The following FHIT variants were observed in gnomAD, a reference collection of about 807,000 sequenced individuals.
FHIT encodes bis(5'-adenosyl)-triphosphatase.
A neutral mutation model predicts 17.9 loss-of-function variants in FHIT; 19 were observed. The observed-to-expected ratio is 1.06, with a 90% CI of 0.74 to 1.56. The LOEUF (loss-of-function observed/expected upper bound fraction) is 1.56. FHIT is among the 40% of genes most tolerant of loss of function. The pLI, the probability that FHIT is intolerant of heterozygous loss-of-function variation, is 0.00. For missense variants in FHIT, 248 were observed against 189.2 expected (o/e 1.31, Z -1.82); for synonymous variants, 81 against 69.7 (o/e 1.16, Z -0.81).
chr3:59,773,041 A>G (rs1158307410), intron 8 of FHIT, among the ~76,000 whole-genome samples: 1 of 152,142 alleles, frequency 6.6e-6, no homozygotes, highest in Non-Finnish European at 1.5e-5. Context: ...CAAACAAACA[A>G]TGCTCATCTC....
chr3:61,152,127 A>G (rs1014571523), intron 2 of FHIT, among the ~76,000 whole-genome samples: 16 of 152,208 alleles, frequency 1.1e-4, no homozygotes, highest in Non-Finnish European at 1.6e-4. Context: ...TGATAGGATT[A>G]AACAGTTGAC....
chr3:60,318,662 G>A (rs539978441), intron 5 of FHIT, among the ~76,000 whole-genome samples: 1 of 152,184 alleles, frequency 6.6e-6, no homozygotes, highest in African/African-American at 2.4e-5. Flanking sequence ...GAATCGTATA[G>A]TCCAGTTTGA....
intron 4 of FHIT, among the ~76,000 whole-genome samples, chr3:60,552,526 A>T (rs1176380704): frequency 6.6e-6 from 1 of 152,168 alleles, no homozygotes; most frequent in Non-Finnish European, 1.5e-5. Flanking sequence ...TCTGGCTGAG[A>T]CCTAGATATC....
chr3:60,186,011 C>T (rs998137748), intron 5 of FHIT, among the ~76,000 whole-genome samples: 1 of 152,146 alleles, frequency 6.6e-6, no homozygotes, highest in African/African-American at 2.4e-5. Context: ...TGTTTTCTTA[C>T]TGTTGAGTTG....
At chr3:59,838,287 T>C (rs976786574) in intron 8 of FHIT, among the ~76,000 whole-genome samples, 1 of 152,198 alleles carries the variant, frequency 6.6e-6, no homozygotes, top group African/African-American at 2.4e-5. Context: ...GCTGTGTTCT[T>C]GGCCCCATTC....
In FHIT at chr3:59,748,770, CTTACCG is replaced by C. The variant is rs145348451; in HGVS notation, c.*809_*814del. Among the ~76,000 whole-genome samples the C allele has an allele frequency of 0.017, 2,623 of 152,254 alleles. 34 individuals are homozygous for C. Among genetic ancestry groups the C allele is most frequent in the Non-Finnish European group, 0.029 (1,956 of 68,000 alleles). ...CTGGATTCAAATCTGAGCTTTGCCACTTACCGTTGGCCTTGAACTAATAATACTTAA... is the reference window on the plus strand; with the variant it reads ...CTGGATTCAAATCTGAGCTTTGCCACTTGGCCTTGAACTAATAATACTTAA... On this transcript the variant is annotated 3_prime_UTR_variant, in exon 10 of 10. Coordinates refer to ENST00000492590, the MANE Select transcript of FHIT (RefSeq NM_002012.4).
At chr3:60,700,154 G>A (rs1293667969) in intron 4 of FHIT, among the ~76,000 whole-genome samples, 2 of 150,368 alleles carry the variant, frequency 1.3e-5, no homozygotes, top group Non-Finnish European at 3.0e-5. Flanking sequence ...AAATACACAG[G>A]TATGTATGTA....
intron 7 of FHIT, among the ~76,000 whole-genome samples, chr3:59,968,823 C>T (rs972590727): frequency 6.6e-6 from 1 of 152,128 alleles, no homozygotes; most frequent in African/African-American, 2.4e-5. Context: ...TTGAGAGATG[C>T]TAGAGTTAAA....
chr3:60,623,599 A>G (rs2039196250), intron 4 of FHIT, among the ~76,000 whole-genome samples: 2 of 152,192 alleles, frequency 1.3e-5, no homozygotes, highest in African/African-American at 4.8e-5. Context: ...AGCCTTTATG[A>G]CTTATAAAAA....
At chr3:59,781,865 A>G (rs1211406055) in intron 8 of FHIT, among the ~76,000 whole-genome samples, 6 of 152,198 alleles carry the variant, frequency 3.9e-5, no homozygotes, top group African/African-American at 1.4e-4. Flanking sequence ...ATTTGCTTCT[A>G]AAGTTATGAT....
chr3:60,433,739 G>C (rs1269669622), intron 5 of FHIT, among the ~76,000 whole-genome samples: 1 of 152,050 alleles, frequency 6.6e-6, no homozygotes, highest in Non-Finnish European at 1.5e-5. Context: ...TTCTATTTAA[G>C]TCCTTTTGCT....
At chr3:59,969,288 T>G (rs541839469) in intron 7 of FHIT, among the ~76,000 whole-genome samples, 1 of 152,264 alleles carries the variant, frequency 6.6e-6, no homozygotes, top group African/African-American at 2.4e-5. Context: ...AATCACATTC[T>G]AAGCAATTGT....
At position 61,207,858 on chromosome 3, in the gene FHIT, T is replaced by A. The variant is rs2039302641; in HGVS notation, c.-212-7193A>T. On this transcript the variant is annotated intron_variant, in intron 1 of 9. Transcript: ENST00000492590. ...ATTTTCATTATTTCTTGCCTTCTGC[T>A]AGTGTTGAGTGTTGCTCTTGCTTCT... Among the ~76,000 whole-genome samples, 3 of 152,220 alleles carry A rather than the reference T, an allele frequency of 2.0e-5. No individual in the cohort carries two copies. The South Asian group carries it at 6.2e-4, about 32-fold the overall frequency.
chr3:60,470,288 T>TCC (rs755693349), intron 5 of FHIT, among the ~76,000 whole-genome samples: 3 of 152,084 alleles, frequency 2.0e-5, no homozygotes, highest in Non-Finnish European at 4.4e-5. Flanking sequence ...CTTGTGTCCT[T>TCC]CCCTTCAGGG....
intron 8 of FHIT, among the ~76,000 whole-genome samples, chr3:59,873,656 G>A (rs79221474): frequency 0.015 from 2,302 of 152,246 alleles, 24 homozygotes; most frequent in South Asian, 0.021. Flanking sequence ...TGATGCTAGT[G>A]GCACACAGCC....
In FHIT at chr3:60,713,838, G is replaced by A. The variant is rs1449896778; in HGVS notation, c.-18+108081C>T. ...TCCAGGACCAGATGGATTCACAGCC[G>A]AATTCTACCAGAGGTACAAGGAGGA... On this transcript the variant is annotated intron_variant, in intron 4 of 9. Transcript: ENST00000492590. Among the ~76,000 whole-genome samples the A allele has an allele frequency of 2.6e-4, 40 of 151,244 alleles. 1 individual carries two copies. Among genetic ancestry groups the A allele is most frequent in the Middle Eastern group, 6.8e-3 (2 of 294 alleles).
intron 4 of FHIT, among the ~76,000 whole-genome samples, chr3:60,803,172 C>T (rs1701256299): frequency 6.6e-6 from 1 of 152,162 alleles, no homozygotes; most frequent in Non-Finnish European, 1.5e-5. Context: ...TCAAGAATCA[C>T]AACTGAAATC....
intron 5 of FHIT, among the ~76,000 whole-genome samples, chr3:60,018,800 AAACCCC>A (rs974407425): frequency 6.6e-6 from 1 of 151,092 alleles, no homozygotes; most frequent in Non-Finnish European, 1.5e-5. Flanking sequence ...CAACGTGGTG[AAACCCC>A]ATCTCTACTA....
chr3:60,973,862 C>T (rs1047355616), intron 3 of FHIT, among the ~76,000 whole-genome samples: 3 of 152,154 alleles, frequency 2.0e-5, no homozygotes, highest in African/African-American at 7.2e-5. Context: ...AATTTTATTG[C>T]TCCTTGGGGA....
Sources: allele counts gnomAD v4.1 joint callset (sites outside exome capture counted in the v4.1 genomes callset), GRCh38; gene constraint gnomAD v4.1.1; transcripts MANE v1.5; gene names NCBI Gene and HGNC (gene_info 2026-07-23, HGNC 2026-07-21).